The following AMER3 variants were observed in gnomAD, a reference collection of about 807,000 sequenced individuals.
AMER3 encodes family with sequence similarity 123C.
For synonymous variants in AMER3, 541 were observed against 485.5 expected (o/e 1.11, Z -1.50); for missense variants, 1,201 against 1,139.4 (o/e 1.05, Z -0.78).
chr2:130,762,018 T>C, intron 1 of AMER3, 36 bp from the exon 2 acceptor site: 1 of 1,565,278 alleles, frequency 6.4e-7, no homozygotes, highest in Non-Finnish European at 8.7e-7. Flanking sequence ...GGCCCTCCCG[T>C]CTATGATACT....
chr2:130,761,950 A>G, intron 1 of AMER3, 104 bp from the exon 2 acceptor site: 1 of 1,096,632 alleles, frequency 9.1e-7, no homozygotes, highest in South Asian at 1.7e-5. Flanking sequence ...CCTGGGACAG[A>G]GGCCCCTGCA....
In AMER3 at chr2:130,762,435, G is replaced by C. The variant is rs540101844; in HGVS notation, c.363G>C (p.Pro121=). The C allele has an allele frequency of 5.7e-5, 92 of 1,612,588 alleles. No homozygotes were observed. The highest frequency in any genetic ancestry group is 7.4e-5 in the Non-Finnish European group (87 of 1,179,916). Residue 121 remains proline (P), a synonymous_variant, in exon 2 of 2, where the codon CCG becomes CCC. Coordinates refer to ENST00000321420, the MANE Select transcript of AMER3 (RefSeq NM_152698.3). ...GCAGTGCAAGCTTCCCGGGCTCCCC[G>C]GGCAGCCGGCGCATGATCGACTACC... ...LVGSASFPGS[P]GSRRMIDYRH...
rs1486855452 is a variant in AMER3 at position 130,765,321 on chromosome 2, C to T, written c.*663C>T. ...GAGTTATTAGCAGACAAACTATATT[C>T]ATGAAGAAATAGGTCAAAATGGGAA... On this transcript the variant is annotated 3_prime_UTR_variant, in exon 2 of 2. Transcript: ENST00000321420. The T allele has an allele frequency of 1.2e-5, 2 of 166,988 alleles. No homozygotes were observed. Among genetic ancestry groups the T allele is most frequent in the Non-Finnish European group, 2.9e-5 (2 of 68,122 alleles). The allele number at this position is 166,988 out of a possible 1,614,324, so 10.3% of individuals were successfully genotyped here. A position where few individuals can be genotyped will look rare whatever the true frequency, so the allele number is the denominator to read the frequency against.
At chr2:130,760,219 C>T (rs947266827) in intron 1 of AMER3, among the ~76,000 whole-genome samples, 9 of 152,346 alleles carry the variant, frequency 5.9e-5, no homozygotes, top group East Asian at 3.9e-4. Flanking sequence ...TACTTCTTCT[C>T]ATCCTCCAAC....
At position 130,764,265 on chromosome 2, in the gene AMER3, C is replaced by T. The variant is rs1411596592; in HGVS notation, c.2193C>T (p.Ile731=). Residue 731 remains isoleucine, a synonymous_variant, in exon 2 of 2, where the codon ATC becomes ATT. Transcript: ENST00000321420. The stretch of plus-strand genomic sequence containing the variant: ...GCAGCTCCCCCAGCATGACCACCAT[C>T]CATGGCCTACCCTACTCAGCCAGCA... ...QSSSSPSMTT[I]HGLPYSASTQ... is the part of the protein sequence containing the mutation. The T allele has an allele frequency of 6.2e-7, 1 of 1,610,042 alleles. No homozygotes were observed. Among genetic ancestry groups the T allele is most frequent in the Non-Finnish European group, 8.5e-7 (1 of 1,178,106 alleles).
chr2:130,761,934 G>C (rs1033289448), intron 1 of AMER3, 120 bp from the exon 2 acceptor site: 1 of 975,252 alleles, frequency 1.0e-6, no homozygotes, highest in African/African-American at 1.7e-5. Context: ...CCTGCAAGGA[G>C]GATCTCCTGG....
intron 1 of AMER3, among the ~76,000 whole-genome samples, chr2:130,758,021 CT>C (rs563519905): frequency 8.6e-4 from 131 of 152,282 alleles, no homozygotes; most frequent in South Asian, 4.6e-3. Flanking sequence ...GTAGTCCCAG[CT>C]ACTCAGGAGG....
chr2:130,762,154 G>C lies in AMER3; in HGVS notation c.82G>C (p.Ala28Pro), dbSNP rs1007873530. The C allele has an allele frequency of 6.2e-7, 1 of 1,607,672 alleles. No individual in the cohort carries two copies. Among genetic ancestry groups the C allele is most frequent in the African/African-American group, 1.3e-5 (1 of 74,856 alleles). The change falls in exon 2 of 2, where the codon GCT becomes CCT. Residue 28 changes from alanine to proline, a missense_variant. Ala to Pro is a conservative substitution (Grantham distance 27, BLOSUM62 -1). Transcript: ENST00000321420. The stretch of plus-strand genomic sequence containing the variant: ...GAAACCCCCAGACCCAGCAGCCGTG[G>C]CTGCAGCCAGGGAGGGGACAGGCCC... ...HEKPPDPAAV[A>P]AAREGTGPWS...
In AMER3 at chr2:130,764,883, C is replaced by T; in HGVS notation, c.*225C>T. On this transcript the variant is annotated 3_prime_UTR_variant, in exon 2 of 2. Transcript: ENST00000321420. ...CAAAGACAGCGCGAAGCTGCAACCA[C>T]CTAGCTGCTCCTCATGCAGGGGCTG... 1.7e-6 allele frequency: 1 copy of T among 574,400 alleles called. No individual in the cohort carries two copies. The highest frequency in any genetic ancestry group is 3.0e-5 in the East Asian group (1 of 33,890). The allele number at this position is 574,400 out of a possible 1,614,324, so 35.6% of individuals were successfully genotyped here. A position where few individuals can be genotyped will look rare whatever the true frequency, so the allele number is the denominator to read the frequency against.
At position 130,767,213 on chromosome 2, in the gene AMER3, G is replaced by A. The variant is rs896671333; in HGVS notation, c.*2555G>A. 6.0e-6 allele frequency: 1 copy of A among 167,150 alleles called. No individual in the cohort carries two copies. The highest frequency in any genetic ancestry group is 1.5e-5 in the Non-Finnish European group (1 of 68,220). 10.4% of individuals were successfully genotyped at this position (167,150 alleles called of 1,614,324 possible). A position where few individuals can be genotyped will look rare whatever the true frequency, so the allele number is the denominator to read the frequency against. ...AGGCCAGCAGGTGCAGGGACAGATG[G>A]GCCATCCACATTCTCCAAGATTAGC... On this transcript the variant is annotated 3_prime_UTR_variant, in exon 2 of 2. Coordinates refer to ENST00000321420, the MANE Select transcript of AMER3 (RefSeq NM_152698.3).
In AMER3 at chr2:130,763,173, C is replaced by T. The variant is rs775061865; in HGVS notation, c.1101C>T (p.Ile367=). 3.1e-6 allele frequency: 5 copies of T among 1,613,594 alleles called. No homozygotes were observed. The South Asian group carries it at 3.3e-5, about 11-fold the overall frequency. The part of the protein sequence containing the change: ...DPRSGSKASS[I]DTGTPKSEQP... ...GCAGCGGCTCCAAAGCCAGCTCCAT[C>T]GACACAGGCACCCCCAAGAGCGAGC... The change falls in exon 2 of 2, where the codon ATC becomes ATT. Residue 367 remains isoleucine, a synonymous_variant. Coordinates refer to ENST00000321420, the MANE Select transcript of AMER3 (RefSeq NM_152698.3).
Position 130,764,378 on chromosome 2 carries a change from C to G in AMER3, c.2306C>G (p.Ser769Cys), listed in dbSNP as rs1678919899. The change falls in exon 2 of 2, where the codon TCT (serine) becomes TGT (cysteine). Residue 769 changes from serine (S) to cysteine (C), a missense_variant. Transcript: ENST00000321420. Reference protein sequence around the residue: ...PTGLGVQAWASVEDQPLQLST... With the variant: ...PTGLGVQAWACVEDQPLQLST... ...GGGCTAGGTGTCCAGGCCTGGGCCT[C>G]TGTGGAGGACCAGCCCTTGCAGCTC... 6.2e-7 allele frequency: 1 copy of G among 1,612,678 alleles called. No individual in the cohort carries two copies. Among genetic ancestry groups the G allele is most frequent in the African/African-American group, 1.3e-5 (1 of 74,954 alleles).
chr2:130,761,923 A>G, intron 1 of AMER3, 131 bp from the exon 2 acceptor site: 2 of 896,510 alleles, frequency 2.2e-6, no homozygotes, highest in Non-Finnish European at 1.7e-6. Flanking sequence ...TTTCTCCCCC[A>G]CCTGCAAGGA....
chr2:130,762,755 T>C lies in AMER3; in HGVS notation c.683T>C (p.Phe228Ser), dbSNP rs778160337. 1.9e-6 allele frequency: 3 copies of C among 1,612,022 alleles called. No individual in the cohort carries two copies. The East Asian group carries it at 6.7e-5, about 36-fold the overall frequency. ...AGCGAGCTCCTGGCCGATGCATCCT[T>C]TGGTCTCTGCAGGGCCCTGTGTGAG... The part of the protein sequence containing the change: ...LDSELLADAS[F>S]GLCRALCEDV... Residue 228 changes from phenylalanine (F) to serine (S), a missense_variant, in exon 2 of 2, where the codon TTT (phenylalanine) becomes TCT (serine). Transcript: ENST00000321420.
intron 1 of AMER3, chr2:130,756,299 C>T (rs1457489008): frequency 6.7e-6 from 1 of 149,948 alleles, no homozygotes; most frequent in Non-Finnish European, 1.5e-5. Context: ...GGGAGCTGAC[C>T]GTGGTGCTGA....
In AMER3 at chr2:130,762,297, A is replaced by G; in HGVS notation, c.225A>G (p.Lys75=). 1.3e-6 allele frequency: 2 copies of G among 1,599,092 alleles called. No individual in the cohort carries two copies. Among genetic ancestry groups the G allele is most frequent in the Non-Finnish European group, 1.7e-6 (2 of 1,173,708 alleles). The part of the protein sequence containing the change: ...CPNKGAQLDP[K]GGPAALCGAT... ...ACAAAGGGGCGCAGCTGGACCCCAA[A>G]GGGGGACCCGCAGCCCTCTGTGGAG... The change falls in exon 2 of 2, where the codon AAA becomes AAG. Residue 75 remains lysine, a synonymous_variant. Transcript: ENST00000321420.
rs768251825 is a variant in AMER3, at chr2:130,767,000, G to A, written c.*2342G>A. The A allele has an allele frequency of 1.8e-5, 3 of 167,092 alleles. No homozygotes were observed. Among genetic ancestry groups the A allele is most frequent in the Non-Finnish European group, 2.9e-5 (2 of 68,152 alleles). 10.4% of individuals were successfully genotyped at this position (167,092 alleles called of 1,614,324 possible). A position where few individuals can be genotyped will look rare whatever the true frequency, so the allele number is the denominator to read the frequency against. ...CTCGGCTCTGCCTGCAAGTAACAAA[G>A]GCTTTTGACTCCACTCCCTCCACGC... On this transcript the variant is annotated 3_prime_UTR_variant, in exon 2 of 2. Transcript: ENST00000321420.
chr2:130,764,569 C>T lies in AMER3; in HGVS notation c.2497C>T (p.Arg833Cys), dbSNP rs200579100. Reference sequence around the variant, plus strand: ...GGTCTCTGCAAGTGCCCCAGAATGCCGCTGCAGCCTCCTGGCCCGTGAGGG... The same window carrying T: ...GGTCTCTGCAAGTGCCCCAGAATGCTGCTGCAGCCTCCTGGCCCGTGAGGG... ...GGVSASAPEC[R>C]CSLLAREGLL... The change falls in exon 2 of 2, where the codon CGC becomes TGC. Residue 833 changes from arginine (R) to cysteine (C), a missense_variant. By Grantham distance (180) the Arg-to-Cys change is radical. Transcript: ENST00000321420. The T allele has an allele frequency of 9.3e-5, 149 of 1,604,640 alleles. No homozygotes were observed. The highest frequency in any genetic ancestry group is 3.6e-4 in the Admixed American group (21 of 58,938).
rs1426435597 is a variant in AMER3 at position 130,762,732 on chromosome 2, C to T, written c.660C>T (p.Ser220=). The change falls in exon 2 of 2, where the codon AGC becomes AGT. Residue 220 remains serine, a synonymous_variant. Transcript: ENST00000321420. ...GCCTGTGCCAGGACCTGTTGGACAG[C>T]GAGCTCCTGGCCGATGCATCCTTTG... ...LDGLCQDLLD[S]ELLADASFGL... The T allele has an allele frequency of 8.7e-6, 14 of 1,611,790 alleles. No homozygotes were observed. The highest frequency in any genetic ancestry group is 1.0e-5 in the Non-Finnish European group (12 of 1,179,340).
Sources: allele counts gnomAD v4.1 joint callset (sites outside exome capture counted in the v4.1 genomes callset), GRCh38; gene constraint gnomAD v4.1.1; transcripts MANE v1.5; gene names NCBI Gene and HGNC (gene_info 2026-07-23, HGNC 2026-07-21).